The following LPP variants were observed in gnomAD, a reference collection of about 807,000 sequenced individuals.
LPP encodes the protein LIM domain containing preferred translocation partner in lipoma.
In LPP, 38 loss-of-function variants were observed where a neutral mutation model predicts 60.4. The observed-to-expected ratio is 0.63, with a 90% CI of 0.49 to 0.83. The LOEUF (loss-of-function observed/expected upper bound fraction) is 0.83. LPP is among the 40% of genes least tolerant of loss of function. The pLI is 0.00. For synonymous variants in LPP, 328 were observed against 290.8 expected, an observed-to-expected ratio of 1.13 and a Z score of -1.30; for missense variants, 902 against 783.6, an observed-to-expected ratio of 1.15 and a Z score of -1.80.
chr3:188,786,108 G>A lies in LPP; in HGVS notation c.1410+25826G>A, dbSNP rs1247998810. Among the ~76,000 whole-genome samples, 4 of 152,100 alleles carry A rather than the reference G, an allele frequency of 2.6e-5. 1 individual carries two copies. The highest frequency in any genetic ancestry group is 4.1e-4 in the South Asian group (2 of 4,820). On this transcript the variant is annotated intron_variant, in intron 9 of 11. Coordinates refer to ENST00000617246, the MANE Select transcript of LPP (RefSeq NM_001375462.1). ...TTAAACATCAGTGCAGGCTGGGCCCGGTGGCTCATGCTTGTAATCCTAGCA... is the reference window on the plus strand; with the variant it reads ...TTAAACATCAGTGCAGGCTGGGCCCAGTGGCTCATGCTTGTAATCCTAGCA...
chr3:188,750,517 C>A (rs1463029530), intron 8 of LPP, among the ~76,000 whole-genome samples: 1 of 152,098 alleles, frequency 6.6e-6, no homozygotes, highest in Admixed American at 6.5e-5. Flanking sequence ...CCTGTAATCC[C>A]AGCTACTCAG....
chr3:188,184,046 T>A (rs1725869243), intron 1 of LPP, among the ~76,000 whole-genome samples: 1 of 152,154 alleles, frequency 6.6e-6, no homozygotes, highest in Non-Finnish European at 1.5e-5. Context: ...GGGACCACGG[T>A]ACCTCCTTGT....
intron 7 of LPP, among the ~76,000 whole-genome samples, chr3:188,705,170 G>T (rs1414943792): frequency 6.6e-6 from 1 of 152,192 alleles, no homozygotes; most frequent in Non-Finnish European, 1.5e-5. Context: ...TGTAGAAAGT[G>T]AAAGTCCCCT....
intron 1 of LPP, among the ~76,000 whole-genome samples, chr3:188,214,624 G>A (rs181649504): frequency 5.6e-4 from 86 of 152,298 alleles, no homozygotes; most frequent in Non-Finnish European, 8.8e-5. Flanking sequence ...AAGCAAGTGG[G>A]AGGAGGGAAG....
chr3:188,312,552 G>T (rs913004161), intron 2 of LPP, among the ~76,000 whole-genome samples: 3 of 152,064 alleles, frequency 2.0e-5, no homozygotes, highest in African/African-American at 7.2e-5. Flanking sequence ...TATTTAAAAA[G>T]AAATTTCCAA....
chr3:188,845,678 G>A (rs990164598), intron 9 of LPP, among the ~76,000 whole-genome samples: 2 of 152,092 alleles, frequency 1.3e-5, no homozygotes, highest in Non-Finnish European at 2.9e-5. Context: ...TATTAATGGC[G>A]ACAGTATGCA....
intron 2 of LPP, among the ~76,000 whole-genome samples, chr3:188,228,250 A>T (rs1718548352): frequency 6.6e-6 from 1 of 152,226 alleles, no homozygotes; most frequent in Non-Finnish European, 1.5e-5. Flanking sequence ...CATCAAGAAC[A>T]TAGAACCTGG....
chr3:188,676,678 A>G (rs570124693), intron 7 of LPP, among the ~76,000 whole-genome samples: 5 of 152,176 alleles, frequency 3.3e-5, no homozygotes, highest in Admixed American at 1.3e-4. Flanking sequence ...TTAAAGACCA[A>G]TGTGGCCTTA....
At chr3:188,278,953 A>G (rs373321076) in intron 2 of LPP, among the ~76,000 whole-genome samples, 1 of 152,160 alleles carries the variant, frequency 6.6e-6, no homozygotes, top group East Asian at 1.9e-4. Flanking sequence ...CTGCTTTCCC[A>G]TGATTTATTA....
intron 5 of LPP, among the ~76,000 whole-genome samples, chr3:188,519,395 A>T (rs1056557380): frequency 6.6e-6 from 1 of 152,222 alleles, no homozygotes; most frequent in African/African-American, 2.4e-5. Context: ...GAATTATTTT[A>T]AAAGTTGGCT....
intron 9 of LPP, among the ~76,000 whole-genome samples, chr3:188,767,463 T>G (rs1008089303): frequency 2.6e-5 from 4 of 152,186 alleles, no homozygotes; most frequent in Non-Finnish European, 5.9e-5. Flanking sequence ...AACACATTGC[T>G]TTTAGTCTTT....
intron 2 of LPP, among the ~76,000 whole-genome samples, chr3:188,309,858 A>G (rs774575814): frequency 1.1e-4 from 17 of 152,206 alleles, no homozygotes; most frequent in Non-Finnish European, 2.1e-4. Flanking sequence ...AAAACCACAT[A>G]CTTTCACATC....
At chr3:188,431,808 T>A (rs2149158158) in intron 4 of LPP, among the ~76,000 whole-genome samples, 1 of 152,294 alleles carries the variant, frequency 6.6e-6, no homozygotes, top group Non-Finnish European at 1.5e-5. Flanking sequence ...ACTACAGATA[T>A]TGCATAAAAT....
intron 1 of LPP, among the ~76,000 whole-genome samples, chr3:188,163,704 G>A (rs558183677): frequency 6.6e-6 from 1 of 151,810 alleles, no homozygotes; most frequent in Admixed American, 6.6e-5. Context: ...CACTTTGGGA[G>A]ACTGAGTTGG....
At chr3:188,788,789 C>G (rs965394619) in intron 9 of LPP, among the ~76,000 whole-genome samples, 1 of 152,162 alleles carries the variant, frequency 6.6e-6, no homozygotes, top group African/African-American at 2.4e-5. Flanking sequence ...TGCAGCACGC[C>G]CCCCCGGCTC....
intron 7 of LPP, among the ~76,000 whole-genome samples, chr3:188,617,032 A>G (rs896545863): frequency 2.0e-5 from 3 of 152,236 alleles, no homozygotes; most frequent in South Asian, 2.1e-4. Flanking sequence ...TGTTGATGCA[A>G]TTGTTTATTT....
intron 9 of LPP, among the ~76,000 whole-genome samples, chr3:188,845,283 T>C (rs1306042084): frequency 1.1e-4 from 17 of 152,272 alleles, no homozygotes; most frequent in Admixed American, 2.6e-4. Flanking sequence ...TGTGGGGAGA[T>C]GTGTCTTGAG....
At chr3:188,657,343 A>T (rs1044029892) in intron 7 of LPP, among the ~76,000 whole-genome samples, 1 of 147,366 alleles carries the variant, frequency 6.8e-6, no homozygotes, top group African/African-American at 2.5e-5. Flanking sequence ...TGGATAAAAA[A>T]TGTATAAAAA....
intron 4 of LPP, among the ~76,000 whole-genome samples, chr3:188,462,542 CTTTATATATATATATATATA>C (rs750133476): frequency 0.29 from 18,341 of 64,268 alleles, 2,447 homozygotes; most frequent in East Asian, 0.37. Flanking sequence ...TTTATATGAG[CTTTATATATATATATATATA>C]TATATATATA....
Sources: gnomAD v4.1 joint callset for allele counts (sites outside exome capture counted in the v4.1 genomes callset) on GRCh38, gnomAD v4.1.1 for gene constraint, MANE v1.5 for transcripts, NCBI Gene and HGNC (gene_info 2026-07-23, HGNC 2026-07-21) for gene names.